The following NEBL variants were observed in gnomAD, a reference collection of about 807,000 sequenced individuals.
NEBL encodes LIM and SH3 protein 2.
A neutral mutation model predicts 140.2 loss-of-function variants in NEBL; 122 were observed. The observed-to-expected ratio is 0.87, with a 90% CI of 0.75 to 1.01. NEBL has a LOEUF of 1.01. Among genes scored for constraint, NEBL ranks in the 50% least tolerant of loss-of-function variants. The pLI is 0.00. For missense variants in NEBL, 1,365 were observed against 1,231.3 expected (o/e 1.11, Z -1.62); for synonymous variants, 436 against 398.9 (o/e 1.09, Z -1.11).
chr10:20,939,728 G>C (rs576446972), intron 4 of NEBL, among the ~76,000 whole-genome samples: 1 of 152,142 alleles, frequency 6.6e-6, no homozygotes, highest in South Asian at 2.1e-4. Context: ...CAAAATAAAG[G>C]GATGGAGGAA....
At chr10:21,021,056 A>G (rs1015899984) in intron 2 of NEBL, among the ~76,000 whole-genome samples, 3 of 151,646 alleles carry the variant, frequency 2.0e-5, no homozygotes, top group South Asian at 2.1e-4. Flanking sequence ...CCTCCCCTGG[A>G]TCTTCTTTTT....
chr10:21,288,972 C>T (rs779381066), intron 1 of NEBL, among the ~76,000 whole-genome samples: 6 of 148,304 alleles, frequency 4.0e-5, no homozygotes, highest in Middle Eastern at 3.4e-3. Context: ...CTCAGCCTCC[C>T]GAGTAGCTGG....
At position 20,820,065 on chromosome 10, in the gene NEBL, T is replaced by C. The variant is rs531150385; in HGVS notation, c.1963-549A>G. 2.6e-5 allele frequency among the ~76,000 whole-genome samples: 4 copies of C among 152,300 alleles called. No individual in the cohort carries two copies. The South Asian group carries it at 8.3e-4, about 32-fold the overall frequency. ...TAAAGCAACATTTATCAAATTGCCATTTTATATTTAAAAATAATAATTCTA... is the reference window on the plus strand; with the variant it reads ...TAAAGCAACATTTATCAAATTGCCACTTTATATTTAAAAATAATAATTCTA... On this transcript the variant is annotated intron_variant, in intron 19 of 27. Coordinates refer to ENST00000377122, the MANE Select transcript of NEBL (RefSeq NM_006393.3).
chr10:20,786,240 G>T (rs762433869), intron 27 of NEBL, among the ~76,000 whole-genome samples: 2 of 152,096 alleles, frequency 1.3e-5, no homozygotes, highest in African/African-American at 2.4e-5. Flanking sequence ...GATAATATGT[G>T]ATTTCATATT....
intron 2 of NEBL, among the ~76,000 whole-genome samples, chr10:20,893,312 G>T (rs990708134): frequency 1.3e-5 from 2 of 152,068 alleles, no homozygotes; most frequent in Non-Finnish European, 2.9e-5. Flanking sequence ...ATAATGTTAG[G>T]TTAGACTAAC....
chr10:21,030,202 A>G lies in NEBL; in HGVS notation c.165-10001T>C, dbSNP rs1032541740. 1.6e-5 allele frequency: 8 copies of G among 503,308 alleles called. No individual in the cohort carries two copies. In the Admixed American group the frequency reaches 2.2e-4, roughly 14 times the overall value. 31.2% of individuals were successfully genotyped at this position (503,308 alleles called of 1,614,324 possible). On this transcript the variant is annotated intron_variant, in intron 2 of 6. Coordinates refer to the NEBL transcript ENST00000417816. ...AGCTGGATGAGGCAAAACTAGAATG[A>G]CGGCCTCGGGAGAGACACCCAAGCT...
In NEBL at chr10:20,897,018, C is replaced by T; in HGVS notation, c.93G>A (p.Lys31=). Residue 31 remains lysine (K), a synonymous_variant, in exon 2 of 28, where the codon AAG becomes AAA. Coordinates refer to ENST00000377122, the MANE Select transcript of NEBL (RefSeq NM_006393.3). ...EENEEDQVFY[K]PVIEDLSMEL... ...CCATGCTTAAGTCTTCAATAACAGGCTTATAGAAGACCTATTTGAAAAAAA... is the reference window on the plus strand; with the variant it reads ...CCATGCTTAAGTCTTCAATAACAGGTTTATAGAAGACCTATTTGAAAAAAA... 1 of 1,613,194 alleles carries T rather than the reference C, an allele frequency of 6.2e-7. No homozygotes were observed. The highest frequency in any genetic ancestry group is 8.5e-7 in the Non-Finnish European group (1 of 1,179,380).
intron 4 of NEBL, among the ~76,000 whole-genome samples, chr10:20,940,467 C>T (rs1440934460): frequency 1.4e-4 from 20 of 144,078 alleles, no homozygotes; most frequent in African/African-American, 4.2e-4. Flanking sequence ...GCACTAAATG[C>T]CCACAAGAGA....
At chr10:21,154,141 A>AG (rs1840246554) in intron 2 of NEBL, among the ~76,000 whole-genome samples, 1 of 152,112 alleles carries the variant, frequency 6.6e-6, no homozygotes, top group Admixed American at 6.6e-5. Flanking sequence ...TTGTCTTTAA[A>AG]GCAAACACTA....
chr10:21,051,700 T>A (rs1834786857), intron 2 of NEBL, among the ~76,000 whole-genome samples: 2 of 152,086 alleles, frequency 1.3e-5, no homozygotes, highest in South Asian at 4.1e-4. Flanking sequence ...AATTCCCCAG[T>A]GAAAAGACAC....
exon 2 of NEBL, chr10:21,172,476 T>C: frequency 1.3e-6 from 2 of 1,569,862 alleles, no homozygotes; most frequent in Non-Finnish European, 1.7e-6. Context: ...TTTATGCCAA[T>C]ACTGGAAAAA....
intron 3 of NEBL, among the ~76,000 whole-genome samples, chr10:21,222,173 C>T (rs138608015): frequency 4.6e-5 from 7 of 151,930 alleles, no homozygotes; most frequent in African/African-American, 9.7e-5. Context: ...GGACTGGGCA[C>T]GGTGGCTCAC....
chr10:21,027,422 G>T (rs1833556333), intron 2 of NEBL, among the ~76,000 whole-genome samples: 1 of 151,558 alleles, frequency 6.6e-6, no homozygotes, highest in Admixed American at 6.6e-5. Flanking sequence ...CGACCTCCTG[G>T]ACTCAGGTGA....
chr10:21,037,824 G>A (rs5783763), intron 2 of NEBL, among the ~76,000 whole-genome samples: 2 of 151,582 alleles, frequency 1.3e-5, no homozygotes, highest in East Asian at 3.9e-4. Flanking sequence ...AGAGTAGAAA[G>A]ATAGACAAAA....
chr10:20,987,415 C>T (rs1236681140), intron 3 of NEBL, among the ~76,000 whole-genome samples: 1 of 152,104 alleles, frequency 6.6e-6, no homozygotes, highest in Non-Finnish European at 1.5e-5. Context: ...CCAGCCACAT[C>T]TCTTCATCTA....
intron 2 of NEBL, among the ~76,000 whole-genome samples, chr10:21,171,101 C>T (rs898142585): frequency 1.3e-5 from 2 of 152,016 alleles, no homozygotes; most frequent in Non-Finnish European, 2.9e-5. Context: ...CTTGGGAGGC[C>T]GAGCGGGGCA....
At chr10:21,263,641 T>C (rs757562643) in intron 1 of NEBL, among the ~76,000 whole-genome samples, 2 of 152,184 alleles carry the variant, frequency 1.3e-5, no homozygotes, top group Non-Finnish European at 2.9e-5. Context: ...TTCCCATAGT[T>C]AGCTTGGCCT....
intron 3 of NEBL, among the ~76,000 whole-genome samples, chr10:21,007,511 T>A (rs1216608855): frequency 6.6e-6 from 1 of 152,234 alleles, no homozygotes; most frequent in East Asian, 1.9e-4. Flanking sequence ...GACTCTTGCT[T>A]TTTATGAAAC....
chr10:21,136,591 C>G (rs1030036502), intron 2 of NEBL, among the ~76,000 whole-genome samples: 5 of 152,200 alleles, frequency 3.3e-5, no homozygotes, highest in African/African-American at 1.2e-4. Context: ...GTCTTTGGAG[C>G]TTCCCCACCT....
Sources: allele counts gnomAD v4.1 joint callset (sites outside exome capture counted in the v4.1 genomes callset), GRCh38; gene constraint gnomAD v4.1.1; transcripts MANE v1.5; gene names NCBI Gene and HGNC (gene_info 2026-07-23, HGNC 2026-07-21).